The following PLEKHA7 variants were observed in gnomAD, a reference collection of about 807,000 sequenced individuals.
The protein encoded by PLEKHA7 is pleckstrin homology domain-containing family A member 7.
Under a neutral mutation model 170.0 loss-of-function variants are expected in PLEKHA7, and 104 were observed. The ratio of observed to expected loss-of-function variants is 0.61; its 90% CI spans 0.52 to 0.72. PLEKHA7 has a LOEUF of 0.72. Among genes scored for constraint, PLEKHA7 ranks in the 30% least tolerant of loss-of-function variants. PLEKHA7 has a pLI of 0.00. For synonymous variants in PLEKHA7, 648 were observed against 660.8 expected (o/e 0.98, Z 0.30); for missense variants, 1,615 against 1,671.7 (o/e 0.97, Z 0.59).
chr11:16,784,982 C>T (rs1012708298), intron 24 of PLEKHA7, among the ~76,000 whole-genome samples: 1 of 152,212 alleles, frequency 6.6e-6, no homozygotes, highest in Non-Finnish European at 1.5e-5. Context: ...AACGCACAGA[C>T]CTTTGGCTGT....
At position 16,948,667 on chromosome 11, in the gene PLEKHA7, CA is replaced by C. The variant is rs1565146261; in HGVS notation, c.221+65321del. On this transcript the variant is annotated intron_variant, in intron 3 of 26. Transcript: ENST00000531066. The stretch of plus-strand genomic sequence containing the variant: ...AAGGAGGAACACACACACACACACA[CA>C]CACACAGACACCCCTCAGCTTCTCT... 1.3e-4 allele frequency among the ~76,000 whole-genome samples: 20 copies of C among 151,896 alleles called. No individual in the cohort carries two copies. The East Asian group carries it at 1.4e-3, about 10-fold the overall frequency.
At chr11:16,888,304 G>A (rs1856322949) in intron 3 of PLEKHA7, among the ~76,000 whole-genome samples, 1 of 152,042 alleles carries the variant, frequency 6.6e-6, no homozygotes, top group African/African-American at 2.4e-5. Flanking sequence ...TGGGAAGTGA[G>A]GAGACCCTCT....
chr11:16,893,662 A>T (rs1425682119), intron 3 of PLEKHA7, among the ~76,000 whole-genome samples: 1 of 152,190 alleles, frequency 6.6e-6, no homozygotes, highest in African/African-American at 2.4e-5. Flanking sequence ...ACAGGCAAAA[A>T]GTCTGCTGTA....
chr11:16,788,741 T>C (rs1849575167), intron 23 of PLEKHA7: 2 of 346,496 alleles, frequency 5.8e-6, no homozygotes, highest in Non-Finnish European at 1.1e-5. Context: ...AACCAAATCA[T>C]GTCACCATCT....
In PLEKHA7 at chr11:16,804,475, G is replaced by T. The variant is rs538643218; in HGVS notation, c.2008-1180C>A. Among the ~76,000 whole-genome samples the T allele has an allele frequency of 1.5e-4, 23 of 152,322 alleles. No homozygotes were observed. In the South Asian group the frequency reaches 2.9e-3, roughly 19 times the overall value. ...GCTCAAGCCCTTCATGTGCCCAACT[G>T]TCCTATGCTACCTCTCCCTGCAAAC... On this transcript the variant is annotated intron_variant, in intron 13 of 26. Transcript: ENST00000531066.
chr11:16,797,149 C>T (rs1030610795), intron 17 of PLEKHA7, among the ~76,000 whole-genome samples: 5 of 152,076 alleles, frequency 3.3e-5, no homozygotes, highest in Admixed American at 1.3e-4. Context: ...CAACCAAAAT[C>T]GAATGGGAAG....
chr11:16,984,606 C>T (rs1398800841), intron 3 of PLEKHA7, among the ~76,000 whole-genome samples: 1 of 152,142 alleles, frequency 6.6e-6, no homozygotes, highest in Non-Finnish European at 1.5e-5. Flanking sequence ...CTGACCATTC[C>T]ACTCTCACAC....
intron 3 of PLEKHA7, among the ~76,000 whole-genome samples, chr11:16,997,277 A>G (rs1284462088): frequency 6.6e-6 from 1 of 152,154 alleles, no homozygotes; most frequent in Non-Finnish European, 1.5e-5. Flanking sequence ...CTCCCATCAG[A>G]AATGTCCATG....
intron 3 of PLEKHA7, among the ~76,000 whole-genome samples, chr11:16,970,059 T>C (rs1291111637): frequency 1.3e-5 from 2 of 152,206 alleles, no homozygotes; most frequent in Non-Finnish European, 1.5e-5. Flanking sequence ...CATGGGAGCC[T>C]CTTCAAACAC....
intron 23 of PLEKHA7, chr11:16,787,083 C>T (rs1849451130): frequency 2.0e-6 from 2 of 985,290 alleles, no homozygotes; most frequent in Non-Finnish European, 2.4e-6. Flanking sequence ...AACTTTGTAA[C>T]AAGCTTCCCA....
intron 3 of PLEKHA7, among the ~76,000 whole-genome samples, chr11:16,980,419 G>A (rs567471748): frequency 2.6e-5 from 4 of 152,294 alleles, no homozygotes; most frequent in Admixed American, 2.0e-4. Flanking sequence ...CCCCATGGGG[G>A]AGAATGGTAA....
intron 3 of PLEKHA7, among the ~76,000 whole-genome samples, chr11:16,876,640 G>T (rs774116309): frequency 6.6e-6 from 1 of 152,206 alleles, no homozygotes; most frequent in African/African-American, 2.4e-5. Flanking sequence ...AAATACAAAA[G>T]ACTTGATAAG....
At chr11:16,863,590 C>T (rs543813295) in intron 4 of PLEKHA7, among the ~76,000 whole-genome samples, 2 of 152,350 alleles carry the variant, frequency 1.3e-5, no homozygotes, top group South Asian at 4.1e-4. Flanking sequence ...TCGGTGTACA[C>T]AGCCTGCTGT....
At chr11:16,941,117 G>A (rs1236705726) in intron 3 of PLEKHA7, among the ~76,000 whole-genome samples, 1 of 152,166 alleles carries the variant, frequency 6.6e-6, no homozygotes, top group Admixed American at 6.5e-5. Context: ...CTTACTGGCT[G>A]GGTGAAGGAG....
chr11:16,875,706 A>C (rs1855237542), intron 3 of PLEKHA7, among the ~76,000 whole-genome samples: 1 of 152,060 alleles, frequency 6.6e-6, no homozygotes, highest in Admixed American at 6.5e-5. Context: ...GGGCCCCCAA[A>C]GTGCTAAGAT....
At chr11:16,986,266 G>A (rs902946612) in intron 3 of PLEKHA7, among the ~76,000 whole-genome samples, 11 of 152,162 alleles carry the variant, frequency 7.2e-5, no homozygotes, top group African/African-American at 1.4e-4. Flanking sequence ...AAAACCAGTC[G>A]GAACCATCTG....
rs144362265 is a variant in PLEKHA7, at chr11:16,994,138, C to T, written c.221+19851G>A. On this transcript the variant is annotated intron_variant, in intron 3 of 26. Transcript: ENST00000531066. ...CCCCTAGAAGCACCAAGCACACAGG[C>T]CTGGAAGTCAGTCTTTCTCTGTCAG... Among the ~76,000 whole-genome samples, 4 of 152,306 alleles carry T rather than the reference C, an allele frequency of 2.6e-5. No individual in the cohort carries two copies. In the East Asian group the frequency reaches 7.7e-4, roughly 29 times the overall value.
intron 9 of PLEKHA7, among the ~76,000 whole-genome samples, chr11:16,837,916 G>T: frequency 6.6e-6 from 1 of 152,156 alleles, no homozygotes; most frequent in Non-Finnish European, 1.5e-5. Flanking sequence ...AACTATCGGT[G>T]GTGCCCCAGT....
chr11:16,795,192 AG>A (rs1848136436), intron 17 of PLEKHA7, 174 bp from the exon 18 acceptor site: 1 of 584,412 alleles, frequency 1.7e-6, no homozygotes, highest in Admixed American at 3.0e-5. Context: ...AGCATAGACA[AG>A]GAAAATGCCC....
Sources: gnomAD v4.1 joint callset for allele counts (sites outside exome capture counted in the v4.1 genomes callset) on GRCh38, gnomAD v4.1.1 for gene constraint, MANE v1.5 for transcripts, NCBI Gene and HGNC (gene_info 2026-07-23, HGNC 2026-07-21) for gene names.